Variants in ADD3 observed in about 807,000 individuals in gnomAD.
ADD3 encodes gamma-adducin.
In ADD3, 25 loss-of-function variants were observed where a neutral mutation model predicts 80.2. That is an observed-to-expected ratio of 0.31 (90% CI 0.23 to 0.44). ADD3 has a LOEUF of 0.44. ADD3 is among the 20% of genes least tolerant of loss of function. The probability of loss-of-function intolerance (pLI) is 1.00; values close to 1 mark genes in which losing one functional copy is unlikely to be tolerated. For missense variants in ADD3, 829 were observed against 847.5 expected (o/e 0.98, Z 0.27); for synonymous variants, 284 against 289.6 (o/e 0.98, Z 0.20).
intron 1 of ADD3, among the ~76,000 whole-genome samples, chr10:110,041,478 C>G (rs564335174): frequency 4.5e-4 from 69 of 152,274 alleles, no homozygotes; most frequent in African/African-American, 1.6e-3. Context: ...TTTGTGACTT[C>G]AAATAAATGG....
chr10:110,059,540 A>T (rs1858619503), intron 1 of ADD3, among the ~76,000 whole-genome samples: 1 of 151,916 alleles, frequency 6.6e-6, no homozygotes, highest in Non-Finnish European at 1.5e-5. Flanking sequence ...AGGCAGGCAG[A>T]TCACGAGGTC....
intron 1 of ADD3, among the ~76,000 whole-genome samples, chr10:110,063,750 T>TATATA (rs1554926975): frequency 2.0e-4 from 9 of 45,838 alleles, no homozygotes; most frequent in African/African-American, 6.9e-4. Flanking sequence ...TATATATATA[T>TATATA]ATATATATAT....
At chr10:110,031,073 C>T (rs1165799114) in intron 1 of ADD3, among the ~76,000 whole-genome samples, 1 of 152,100 alleles carries the variant, frequency 6.6e-6, no homozygotes, top group Non-Finnish European at 1.5e-5. Flanking sequence ...GTCGGGAGTT[C>T]GAGACCAGCT....
chr10:110,007,450 TCAAAGCGGCGGC>T (rs1851734360), upstream of ADD3, among the ~76,000 whole-genome samples: 1 of 152,150 alleles, frequency 6.6e-6, no homozygotes, highest in African/African-American at 2.4e-5. Context: ...CGAGGCTGAC[TCAAAGCGGCGGC>T]TCAGCCTCGG....
chr10:110,046,415 C>T (rs565803380), intron 1 of ADD3, among the ~76,000 whole-genome samples: 57 of 141,306 alleles, frequency 4.0e-4, no homozygotes, highest in Admixed American at 1.2e-3. Flanking sequence ...CAAAGTTATA[C>T]GTGGATTTTT....
upstream of ADD3, among the ~76,000 whole-genome samples, chr10:110,000,909 T>C (rs1000869810): frequency 3.3e-5 from 5 of 152,170 alleles, no homozygotes; most frequent in Non-Finnish European, 5.9e-5. Context: ...AGCTCAAAAT[T>C]TTAGCCACCA....
At chr10:110,040,326 C>A (rs1485982097) in intron 1 of ADD3, among the ~76,000 whole-genome samples, 2 of 152,026 alleles carry the variant, frequency 1.3e-5, no homozygotes, top group Non-Finnish European at 2.9e-5. Context: ...TTATGTAAAA[C>A]CTTTGCCAAG....
chr10:110,124,246 G>T lies in ADD3; in HGVS notation c.1373G>T (p.Gly458Val). 6.2e-7 allele frequency: 1 copy of T among 1,614,156 alleles called. No homozygotes were observed. The change falls in exon 10 of 15, where the codon GGA becomes GTA. Residue 458 changes from glycine to valine, a missense_variant. Coordinates refer to ENST00000356080, the MANE Select transcript of ADD3 (RefSeq NM_016824.5). ...AATGTGCCTGAGGAGTCTCGGAACG[G>T]AGAAACCAGTCCCCGAACCAAAATC... ...KVNVPEESRN[G>V]ETSPRTKITW...
intron 1 of ADD3, among the ~76,000 whole-genome samples, chr10:110,056,041 T>G (rs1270225062): frequency 6.6e-6 from 1 of 152,222 alleles, no homozygotes; most frequent in Non-Finnish European, 1.5e-5. Context: ...TATGAGTTTG[T>G]GACCTGAAGG....
At chr10:110,085,072 T>A (rs1177177161) in intron 1 of ADD3, among the ~76,000 whole-genome samples, 1 of 151,980 alleles carries the variant, frequency 6.6e-6, no homozygotes, top group African/African-American at 2.4e-5. Context: ...TAATTTTAAT[T>A]CCCCCCCATT....
chr10:110,122,126 G>C lies in ADD3; in HGVS notation c.977G>C (p.Gly326Ala). ...ACEIQVQALA[G>A]AGGVDNLHVL... ...TGATTACAGGTGCAGGCCCTAGCAG[G>C]TGCAGGTGGAGTAGACAATCTCCAT... Residue 326 changes from glycine to alanine, a missense_variant, in exon 9 of 15, where the codon GGT becomes GCT. Coordinates refer to ENST00000356080, the MANE Select transcript of ADD3 (RefSeq NM_016824.5). The C allele has an allele frequency of 6.2e-7, 1 of 1,613,478 alleles. No individual in the cohort carries two copies. The highest frequency in any genetic ancestry group is 8.5e-7 in the Non-Finnish European group (1 of 1,179,596).
chr10:110,077,526 A>C (rs1286291448), intron 1 of ADD3, among the ~76,000 whole-genome samples: 1 of 152,176 alleles, frequency 6.6e-6, no homozygotes, highest in Non-Finnish European at 1.5e-5. Flanking sequence ...TGTGTGTAAG[A>C]GTGGGTTCAT....
chr10:110,003,461 A>C (rs1412260090), upstream of ADD3, among the ~76,000 whole-genome samples: 1 of 152,050 alleles, frequency 6.6e-6, no homozygotes, highest in Non-Finnish European at 1.5e-5. Flanking sequence ...CTATAATAAT[A>C]CCTTATATTT....
At chr10:110,045,476 T>G (rs1856816973) in intron 1 of ADD3, among the ~76,000 whole-genome samples, 1 of 152,246 alleles carries the variant, frequency 6.6e-6, no homozygotes, top group Admixed American at 6.5e-5. Flanking sequence ...TTTTATCTCC[T>G]TATAGTTGAC....
chr10:110,048,321 G>C (rs1439027007), intron 1 of ADD3, among the ~76,000 whole-genome samples: 1 of 152,110 alleles, frequency 6.6e-6, no homozygotes, highest in Admixed American at 6.5e-5. Flanking sequence ...GCATGAAAAT[G>C]GACTAATACT....
At chr10:110,063,484 A>T (rs984872050) in intron 1 of ADD3, among the ~76,000 whole-genome samples, 7 of 151,902 alleles carry the variant, frequency 4.6e-5, no homozygotes, top group African/African-American at 1.7e-4. Context: ...ATTACTTCTT[A>T]TAAGAAATTG....
intron 1 of ADD3, among the ~76,000 whole-genome samples, chr10:110,037,433 C>T (rs199663749): frequency 2.0e-5 from 3 of 151,736 alleles, no homozygotes; most frequent in African/African-American, 7.3e-5. Context: ...GGTGAAACCC[C>T]GTCTCTACTG....
At chr10:110,074,380 A>G (rs1176806270) in intron 1 of ADD3, among the ~76,000 whole-genome samples, 1 of 152,156 alleles carries the variant, frequency 6.6e-6, no homozygotes, top group Non-Finnish European at 1.5e-5. Context: ...TGGAGTAGAC[A>G]GTTTGTCTTC....
chr10:110,007,294 C>T (rs1851718287), upstream of ADD3, among the ~76,000 whole-genome samples: 1 of 152,158 alleles, frequency 6.6e-6, no homozygotes, highest in Non-Finnish European at 1.5e-5. Flanking sequence ...TGTCCTCCCC[C>T]TATGTGGAGG....
Sources: allele counts gnomAD v4.1 joint callset (sites outside exome capture counted in the v4.1 genomes callset), GRCh38; gene constraint gnomAD v4.1.1; transcripts MANE v1.5; gene names NCBI Gene and HGNC (gene_info 2026-07-23, HGNC 2026-07-21).